The following JAKMIP3 variants were observed in gnomAD, a reference collection of about 807,000 sequenced individuals.
JAKMIP3 encodes janus kinase and microtubule-interacting protein 3.
Under a neutral mutation model 118.5 loss-of-function variants are expected in JAKMIP3, and 58 were observed. The ratio of observed to expected loss-of-function variants is 0.49; its 90% CI spans 0.40 to 0.61. The LOEUF is 0.61. JAKMIP3 is among the 20% of genes least tolerant of loss of function. The pLI, the probability that JAKMIP3 is intolerant of heterozygous loss-of-function variation, is 0.00. For missense variants in JAKMIP3, 950 were observed against 1,109.0 expected (o/e 0.86, Z 2.04); for synonymous variants, 486 against 451.2 (o/e 1.08, Z -0.98).
intron 1 of JAKMIP3, among the ~76,000 whole-genome samples, chr10:132,053,229 C>A (rs939031009): frequency 2.0e-5 from 3 of 152,218 alleles, no homozygotes; most frequent in African/African-American, 7.2e-5. Flanking sequence ...TCTGTCACCA[C>A]CCTCAAAGTT....
rs1410002642 is a variant in JAKMIP3, at chr10:132,180,716, T to TGCAC, written c.*1104-1640_*1104-1639insCACG. 2.4e-3 allele frequency among the ~76,000 whole-genome samples: 61 copies of TGCAC among 25,160 alleles called. 22 individuals are homozygous for TGCAC. Among genetic ancestry groups the TGCAC allele is most frequent in the African/African-American group, 0.013 (51 of 3,846 alleles). The allele number at this position is 25,160 out of a possible 152,430, so 16.5% of individuals were successfully genotyped here. On this transcript the variant is annotated intron_variant, in intron 23 of 23. Coordinates refer to ENST00000684848, the MANE Select transcript of JAKMIP3 (RefSeq NM_001323087.2). Reference sequence around the variant, plus strand: ...GCGTGCGTGTGTGTGTGCGCGTGTGTGTGCGTGTGTGTGCGTGTGTGCGTG... The same window carrying TGCAC: ...GCGTGCGTGTGTGTGTGCGCGTGTGTGCACGTGCGTGTGTGTGCGTGTGTGCGTG...
At chr10:132,138,065 A>C in intron 8 of JAKMIP3, 54 bp from the exon 9 acceptor site, 1 of 1,533,668 alleles carries the variant, frequency 6.5e-7, no homozygotes, top group Non-Finnish European at 8.9e-7. Context: ...CCGTGGACTG[A>C]AACCGGTGGA....
At chr10:132,145,894 G>A (rs924302989) in intron 13 of JAKMIP3, among the ~76,000 whole-genome samples, 7 of 152,214 alleles carry the variant, frequency 4.6e-5, no homozygotes, top group Admixed American at 6.5e-5. Context: ...TTAGAGCATC[G>A]TGACAGAGGA....
intron 1 of JAKMIP3, among the ~76,000 whole-genome samples, chr10:132,051,052 G>A (rs36165184): frequency 5.4e-5 from 8 of 149,032 alleles, no homozygotes; most frequent in South Asian, 2.1e-4. Flanking sequence ...AATTCCAGCC[G>A]TTCTGGTTGG....
intron 1 of JAKMIP3, among the ~76,000 whole-genome samples, chr10:132,041,144 C>T (rs571681673): frequency 6.6e-6 from 1 of 152,306 alleles, no homozygotes; most frequent in African/African-American, 2.4e-5. Context: ...CAACCTCTGC[C>T]TCCTGGGGTC....
chr10:132,059,282 T>C (rs1291465919), intron 1 of JAKMIP3, among the ~76,000 whole-genome samples: 2 of 152,226 alleles, frequency 1.3e-5, no homozygotes, highest in Non-Finnish European at 2.9e-5. Flanking sequence ...TGAAGCAGCT[T>C]TGGGAGGCTG....
intron 1 of JAKMIP3, among the ~76,000 whole-genome samples, chr10:132,079,179 C>T (rs2041380195): frequency 8.7e-6 from 1 of 114,390 alleles, no homozygotes; most frequent in Admixed American, 8.4e-5. Context: ...GCGCTGGGGT[C>T]TGTGGACCCC....
rs141717807 is a variant in JAKMIP3, at chr10:132,156,133, G to A, written c.2220+2143G>A. On this transcript the variant is annotated intron_variant, in intron 19 of 23. Coordinates refer to ENST00000684848, the MANE Select transcript of JAKMIP3 (RefSeq NM_001323087.2). Reference sequence around the variant, plus strand: ...ACACTCCTCTGCCCGCGCCTTCTGGGACTCCCAGCTGCCCTTACTGGAGAG... The same window carrying A: ...ACACTCCTCTGCCCGCGCCTTCTGGAACTCCCAGCTGCCCTTACTGGAGAG... Among the ~76,000 whole-genome samples the A allele has an allele frequency of 2.5e-3, 386 of 152,302 alleles. 1 individual carries two copies. The highest frequency in any genetic ancestry group is 6.8e-3 in the Middle Eastern group (2 of 294).
intron 23 of JAKMIP3, among the ~76,000 whole-genome samples, chr10:132,170,459 C>T (rs1376240332): frequency 6.6e-6 from 1 of 152,174 alleles, no homozygotes; most frequent in African/African-American, 2.4e-5. Flanking sequence ...ATGCTAAGCC[C>T]CGAGCAGGTT....
At chr10:132,100,174 GGACCCCCCGCACA>G (rs906101551) in intron 1 of JAKMIP3, among the ~76,000 whole-genome samples, 2 of 151,340 alleles carry the variant, frequency 1.3e-5, no homozygotes, top group African/African-American at 2.4e-5. Context: ...GCCCCCACAC[GGACCCCCCGCACA>G]GACCCCCACA....
intron 1 of JAKMIP3, among the ~76,000 whole-genome samples, chr10:132,075,035 A>T (rs1032163343): frequency 6.6e-6 from 1 of 152,132 alleles, no homozygotes; most frequent in African/African-American, 2.4e-5. Flanking sequence ...CCATTGATCT[A>T]TGTGTCTATT....
intron 10 of JAKMIP3, 28 bp downstream of exon 10, chr10:132,140,607 G>T (rs9733324): frequency 1.2e-6 from 1 of 857,068 alleles, no homozygotes; most frequent in Non-Finnish European, 1.7e-6. Context: ...CCGGGTCCTG[G>T]GCTTGGAGGA....
chr10:132,045,346 C>T (rs149593312), intron 1 of JAKMIP3, among the ~76,000 whole-genome samples: 10 of 152,194 alleles, frequency 6.6e-5, no homozygotes, highest in African/African-American at 2.2e-4. Flanking sequence ...TGATTTTGGG[C>T]GCGTCTCTGT....
Position 132,159,438 on chromosome 10 carries a change from T to C in JAKMIP3, c.2221-3771T>C, listed in dbSNP as rs1348688638. ...TCCTGTGGATGCCGGGGGTGTGTTT[T>C]TTCTGCGTGATGCTGGGTGGGGGGG... is the stretch of plus-strand genomic sequence containing the variant. On this transcript the variant is annotated intron_variant, in intron 19 of 23. Transcript: ENST00000684848. 3.1e-5 allele frequency among the ~76,000 whole-genome samples: 3 copies of C among 97,008 alleles called. No individual in the cohort carries two copies. In the Admixed American group the frequency reaches 4.0e-4, roughly 13 times the overall value. The allele number at this position is 97,008 out of a possible 152,430, so 63.6% of individuals were successfully genotyped here.
intron 3 of JAKMIP3, among the ~76,000 whole-genome samples, chr10:132,130,283 A>G (rs2050322363): frequency 6.6e-6 from 1 of 152,106 alleles, no homozygotes; most frequent in African/African-American, 2.4e-5. Flanking sequence ...AGCTCTTGGG[A>G]GCTGGGTGAT....
intron 1 of JAKMIP3, among the ~76,000 whole-genome samples, chr10:132,088,453 G>T (rs11146156): frequency 0.085 from 12,982 of 152,132 alleles, 1,296 homozygotes; most frequent in African/African-American, 0.24. Flanking sequence ...TTTCTCTGAT[G>T]GCCAGTGATG....
chr10:132,167,036 C>A lies in JAKMIP3; in HGVS notation c.*3C>A, dbSNP rs945648406. ...TAGCTTTCATTCTCTGGTCATAGTCCGTCTTGGCACCCTGACGTGGTGAGT... is the reference window on the plus strand; with the variant it reads ...TAGCTTTCATTCTCTGGTCATAGTCAGTCTTGGCACCCTGACGTGGTGAGT... On this transcript the variant is annotated 3_prime_UTR_variant, in exon 22 of 24. Transcript: ENST00000684848. The A allele has an allele frequency of 1.3e-6, 2 of 1,549,398 alleles. No individual in the cohort carries two copies. Among genetic ancestry groups the A allele is most frequent in the African/African-American group, 2.7e-5 (2 of 73,036 alleles).
rs1168771554 is a variant in JAKMIP3 at position 132,164,701 on chromosome 10, C to A, written c.2456C>A (p.Ala819Asp). 1.2e-6 allele frequency: 2 copies of A among 1,601,150 alleles called. No homozygotes were observed. Among genetic ancestry groups the A allele is most frequent in the Admixed American group, 1.7e-5 (1 of 59,952 alleles). ...RIKELEERIE[A>D]QKRQIKELEE... ...AAAGAGTTAGAAGAAAGAATAGAAG[C>A]TCAGAAGAGACAAATAAAGGAACTG... Residue 819 changes from alanine (A) to aspartate (D), a missense_variant, in exon 21 of 24, where the codon GCT (alanine) becomes GAT (aspartate). Transcript: ENST00000684848.
intron 1 of JAKMIP3, among the ~76,000 whole-genome samples, chr10:132,037,152 G>A (rs1436771533): frequency 6.6e-6 from 1 of 152,256 alleles, no homozygotes; most frequent in Non-Finnish European, 1.5e-5. Context: ...GATGGCCAGC[G>A]TGGCCGTGGG....
Sources: allele counts gnomAD v4.1 joint callset (sites outside exome capture counted in the v4.1 genomes callset), GRCh38; gene constraint gnomAD v4.1.1; transcripts MANE v1.5; gene names NCBI Gene and HGNC (gene_info 2026-07-23, HGNC 2026-07-21).